FAM13A: variants seen among roughly 807,000 people sequenced by gnomAD.
The protein encoded by FAM13A is protein FAM13A.
A neutral mutation model predicts 129.6 loss-of-function variants in FAM13A; 76 were observed. That is an observed-to-expected ratio of 0.59 (90% CI 0.49 to 0.71). The LOEUF is 0.71. Among genes scored for constraint, FAM13A ranks in the 30% least tolerant of loss-of-function variants. FAM13A has a pLI of 0.00. For synonymous variants in FAM13A, 443 were observed against 449.9 expected (o/e 0.98, Z 0.20); for missense variants, 1,108 against 1,249.3 (o/e 0.89, Z 1.70).
chr4:88,986,553 T>G (rs994064901), intron 4 of FAM13A, among the ~76,000 whole-genome samples: 3 of 152,270 alleles, frequency 2.0e-5, no homozygotes, highest in African/African-American at 7.2e-5. Context: ...CTCAACCATA[T>G]GCCAAATGGC....
chr4:88,795,561 C>G (rs1725990041), intron 8 of FAM13A, among the ~76,000 whole-genome samples: 1 of 151,666 alleles, frequency 6.6e-6, no homozygotes, highest in Non-Finnish European at 1.5e-5. Flanking sequence ...TATACTGTAT[C>G]CCTTTTCCAT....
intron 14 of FAM13A, among the ~76,000 whole-genome samples, chr4:88,751,322 A>C (rs1288290713): frequency 6.6e-6 from 1 of 152,208 alleles, no homozygotes; most frequent in Non-Finnish European, 1.5e-5. Context: ...ACGGCTGTAC[A>C]TCCTTCACCA....
At chr4:88,772,047 A>T (rs1473152440) in intron 11 of FAM13A, among the ~76,000 whole-genome samples, 1 of 152,046 alleles carries the variant, frequency 6.6e-6, no homozygotes, top group East Asian at 1.9e-4. Context: ...GCACTTAAAA[A>T]CCCTTGGAAC....
At chr4:88,996,294 CG>C (rs1763531976) in intron 3 of FAM13A, among the ~76,000 whole-genome samples, 1 of 152,142 alleles carries the variant, frequency 6.6e-6, no homozygotes, top group African/African-American at 2.4e-5. Flanking sequence ...AGGACCACTC[CG>C]GCTGCTCTGC....
At chr4:89,034,520 T>C in intron 1 of FAM13A, among the ~76,000 whole-genome samples, 1 of 152,296 alleles carries the variant, frequency 6.6e-6, no homozygotes, top group African/African-American at 2.4e-5. Context: ...TTTAGAGATT[T>C]CTCAAAGAAC....
At chr4:88,872,116 G>GGCCT (rs1741519720) in intron 6 of FAM13A, among the ~76,000 whole-genome samples, 1 of 152,134 alleles carries the variant, frequency 6.6e-6, no homozygotes, top group African/African-American at 2.4e-5. Flanking sequence ...GTCACCACCA[G>GGCCT]GCCTGCCTTA....
chr4:88,804,862 A>G, intron 8 of FAM13A, 149 bp downstream of exon 8: 1 of 612,708 alleles, frequency 1.6e-6, no homozygotes, highest in Non-Finnish European at 2.9e-6. Context: ...CCAAAGGGGA[A>G]AATACAGTAA....
chr4:88,761,000 C>G (rs1001766243), intron 13 of FAM13A, among the ~76,000 whole-genome samples: 1 of 152,136 alleles, frequency 6.6e-6, no homozygotes, highest in Non-Finnish European at 1.5e-5. Context: ...ATTTCCTTCA[C>G]GAGGAACATA....
intron 14 of FAM13A, among the ~76,000 whole-genome samples, chr4:88,751,016 C>T (rs561063786): frequency 8.7e-4 from 132 of 152,262 alleles, no homozygotes; most frequent in African/African-American, 2.3e-3. Context: ...CCAAGGCGGA[C>T]GGATCACCTG....
intron 6 of FAM13A, among the ~76,000 whole-genome samples, chr4:88,892,245 T>A (rs957577604): frequency 1.4e-4 from 20 of 144,916 alleles, no homozygotes; most frequent in Non-Finnish European, 2.1e-4. Flanking sequence ...AGTGGCGAGA[T>A]CTCGGCTCAC....
At chr4:88,898,891 A>G (rs570511142) in intron 6 of FAM13A, among the ~76,000 whole-genome samples, 1 of 152,228 alleles carries the variant, frequency 6.6e-6, no homozygotes, top group East Asian at 1.9e-4. Context: ...AAGCAGAACT[A>G]CCATTTGATC....
intron 4 of FAM13A, among the ~76,000 whole-genome samples, chr4:88,974,578 T>C (rs1475599191): frequency 6.6e-6 from 1 of 152,016 alleles, no homozygotes; most frequent in Non-Finnish European, 1.5e-5. Context: ...CCTGGGTTCA[T>C]GCAATTCTCT....
At chr4:88,900,128 A>G (rs1747045048) in intron 6 of FAM13A, among the ~76,000 whole-genome samples, 1 of 152,260 alleles carries the variant, frequency 6.6e-6, no homozygotes, top group South Asian at 2.1e-4. Context: ...GATGCATGGG[A>G]TTATGTAAAG....
chr4:88,883,322 C>G (rs907930340), intron 6 of FAM13A, among the ~76,000 whole-genome samples: 1 of 151,790 alleles, frequency 6.6e-6, no homozygotes, highest in African/African-American at 2.4e-5. Flanking sequence ...TGCTCTCAAG[C>G]CACAGTGGAA....
At chr4:88,834,103 G>A (rs1178425307) in intron 7 of FAM13A, among the ~76,000 whole-genome samples, 1 of 126,526 alleles carries the variant, frequency 7.9e-6, no homozygotes, top group Non-Finnish European at 1.6e-5. Context: ...GTAGAGATAA[G>A]GTCTCACTAT....
chr4:88,967,781 C>A (rs1254087488), intron 4 of FAM13A, among the ~76,000 whole-genome samples: 2 of 152,128 alleles, frequency 1.3e-5, no homozygotes, highest in African/African-American at 4.8e-5. Flanking sequence ...CCACTGTGGG[C>A]AGGAGGTTGG....
intron 6 of FAM13A, among the ~76,000 whole-genome samples, chr4:88,883,585 A>G (rs1176252662): frequency 1.3e-5 from 2 of 152,138 alleles, no homozygotes; most frequent in Non-Finnish European, 2.9e-5. Flanking sequence ...GAGACAATCT[A>G]AGGTCACACC....
chr4:89,055,316 A>G (rs1708678), intron 1 of FAM13A, among the ~76,000 whole-genome samples: 91,333 of 151,982 alleles, frequency 0.6, 28,123 homozygotes, highest in Middle Eastern at 0.69. Flanking sequence ...CAGTAAAACC[A>G]AGACAGCACA....
At chr4:88,844,460 A>G (rs1236680358) in intron 7 of FAM13A, among the ~76,000 whole-genome samples, 1 of 152,206 alleles carries the variant, frequency 6.6e-6, no homozygotes, top group Non-Finnish European at 1.5e-5. Context: ...CATTATTATT[A>G]CAGGGCTGCC....
Sources: allele counts gnomAD v4.1 joint callset (sites outside exome capture counted in the v4.1 genomes callset), GRCh38; gene constraint gnomAD v4.1.1; transcripts MANE v1.5; gene names NCBI Gene and HGNC (gene_info 2026-07-23, HGNC 2026-07-21).